The following RARB variants were observed in gnomAD, a reference collection of about 807,000 sequenced individuals.
The protein encoded by RARB is HBV-activated protein.
A neutral mutation model predicts 51.9 loss-of-function variants in RARB; 17 were observed. The observed-to-expected ratio is 0.33, with a 90% CI of 0.22 to 0.49. The LOEUF (loss-of-function observed/expected upper bound fraction) is 0.49. Among genes scored for constraint, RARB ranks in the 20% least tolerant of loss-of-function variants. The pLI is 0.99. For synonymous variants in RARB, 215 were observed against 195.4 expected, an observed-to-expected ratio of 1.10 and a Z score of -0.84; for missense variants, 369 against 550.8, an observed-to-expected ratio of 0.67 and a Z score of 3.30.
intron 2 of RARB, among the ~76,000 whole-genome samples, chr3:24,997,748 C>A (rs1432350166): frequency 1.3e-5 from 2 of 152,064 alleles, no homozygotes; most frequent in African/African-American, 4.8e-5. Flanking sequence ...TTTGTGGGAA[C>A]TTACTTTGCA....
intron 5 of RARB, among the ~76,000 whole-genome samples, chr3:25,366,843 C>T (rs553712264): frequency 6.6e-6 from 1 of 152,116 alleles, no homozygotes; most frequent in Non-Finnish European, 1.5e-5. Context: ...GTTCATGGGC[C>T]TCATTTTACC....
At chr3:24,932,093 GA>G (rs950382282) in intron 2 of RARB, among the ~76,000 whole-genome samples, 16 of 152,088 alleles carry the variant, frequency 1.1e-4, no homozygotes, top group Admixed American at 9.2e-4. Flanking sequence ...CTGCTTGGAA[GA>G]AAAAGTGTTT....
intron 3 of RARB, among the ~76,000 whole-genome samples, chr3:25,526,224 A>G (rs944937829): frequency 1.3e-5 from 2 of 152,130 alleles, no homozygotes; most frequent in Non-Finnish European, 2.9e-5. Context: ...ACCCAAATGA[A>G]AGAAGACTGC....
intron 4 of RARB, among the ~76,000 whole-genome samples, chr3:25,580,001 A>T (rs545151861): frequency 6.6e-6 from 1 of 152,234 alleles, no homozygotes; most frequent in African/African-American, 2.4e-5. Context: ...TGTTAGCTGG[A>T]TAACTGCATA....
chr3:25,571,655 A>T (rs1700716680), intron 4 of RARB, among the ~76,000 whole-genome samples: 1 of 152,230 alleles, frequency 6.6e-6, no homozygotes, highest in Non-Finnish European at 1.5e-5. Context: ...TCCAGAACAG[A>T]GGCCTGGAAC....
chr3:25,335,195 T>C (rs1163184845), intron 5 of RARB, among the ~76,000 whole-genome samples: 1 of 152,156 alleles, frequency 6.6e-6, no homozygotes, highest in African/African-American at 2.4e-5. Flanking sequence ...AGTGAATGGA[T>C]GTTCAGTGAG....
intron 2 of RARB, among the ~76,000 whole-genome samples, chr3:24,906,406 C>G (rs1042018932): frequency 6.6e-6 from 1 of 152,146 alleles, no homozygotes; most frequent in Non-Finnish European, 1.5e-5. Flanking sequence ...TGACAAATGA[C>G]AGAGTCAAGG....
At chr3:24,918,716 C>T (rs1156640127) in intron 2 of RARB, among the ~76,000 whole-genome samples, 3 of 152,172 alleles carry the variant, frequency 2.0e-5, no homozygotes, top group East Asian at 1.9e-4. Context: ...CATGGTGAAA[C>T]CCTGTCTCTA....
intron 3 of RARB, among the ~76,000 whole-genome samples, chr3:25,128,446 T>G (rs980430368): frequency 6.7e-6 from 1 of 148,576 alleles, no homozygotes; most frequent in African/African-American, 2.5e-5. Context: ...TTCATATAAT[T>G]TATATATTTC....
chr3:25,027,281 A>C (rs1697768686), intron 2 of RARB, among the ~76,000 whole-genome samples: 1 of 152,176 alleles, frequency 6.6e-6, no homozygotes, highest in Admixed American at 6.5e-5. Flanking sequence ...TGGGGCAGCA[A>C]ATTAGGCATA....
chr3:25,121,122 C>G (rs938221106), intron 3 of RARB, among the ~76,000 whole-genome samples: 4 of 152,072 alleles, frequency 2.6e-5, no homozygotes, highest in African/African-American at 9.7e-5. Context: ...GGGGAAGGAT[C>G]ACTATTTCTG....
chr3:25,225,907 C>G (rs1417203444), intron 5 of RARB, among the ~76,000 whole-genome samples: 1 of 152,122 alleles, frequency 6.6e-6, no homozygotes, highest in Non-Finnish European at 1.5e-5. Context: ...CAGATTTTTG[C>G]GTTGCAAAGT....
chr3:24,879,483 CATT>C (rs1293262037), intron 2 of RARB, among the ~76,000 whole-genome samples: 1 of 98,262 alleles, frequency 1.0e-5, no homozygotes, highest in African/African-American at 4.5e-5. Context: ...AAAGGATCTC[CATT>C]TTTTTTTTTT....
chr3:24,975,008 T>C (rs1392673594), intron 2 of RARB, among the ~76,000 whole-genome samples: 1 of 152,136 alleles, frequency 6.6e-6, no homozygotes, highest in African/African-American at 2.4e-5. Flanking sequence ...TGACTTGAAA[T>C]GTGGCTAGTG....
At chr3:25,523,158 A>G (rs551900486) in intron 3 of RARB, among the ~76,000 whole-genome samples, 115 of 152,312 alleles carry the variant, frequency 7.6e-4, no homozygotes, top group Middle Eastern at 3.4e-3. Context: ...AGTTTCCCCA[A>G]TGTTGTCAGA....
intron 2 of RARB, among the ~76,000 whole-genome samples, chr3:24,867,538 A>G (rs962598555): frequency 6.6e-6 from 1 of 152,026 alleles, no homozygotes; most frequent in African/African-American, 2.4e-5. Flanking sequence ...TGTCTCAGAA[A>G]CCCTTGCTGC....
At chr3:25,514,414 C>G (rs540222661) in intron 3 of RARB, among the ~76,000 whole-genome samples, 1 of 152,254 alleles carries the variant, frequency 6.6e-6, no homozygotes, top group South Asian at 2.1e-4. Flanking sequence ...AAAGCAAACA[C>G]CCTGTTTTCT....
intron 2 of RARB, among the ~76,000 whole-genome samples, chr3:24,892,077 G>A (rs541807516): frequency 6.6e-6 from 1 of 152,206 alleles, no homozygotes; most frequent in South Asian, 2.1e-4. Context: ...CAGATGATGG[G>A]TTAAGCCATC....
At chr3:24,905,698 AAAT>A (rs1397784478) in intron 2 of RARB, among the ~76,000 whole-genome samples, 1 of 152,360 alleles carries the variant, frequency 6.6e-6, no homozygotes, top group East Asian at 1.9e-4. Context: ...GAGTGAGACA[AAAT>A]AATGAGGAAG....
Sources: gnomAD v4.1 joint callset for allele counts (sites outside exome capture counted in the v4.1 genomes callset) on GRCh38, gnomAD v4.1.1 for gene constraint, MANE v1.5 for transcripts, NCBI Gene and HGNC (gene_info 2026-07-23, HGNC 2026-07-21) for gene names.